PLEC: variants seen among roughly 807,000 people sequenced by gnomAD.
PLEC encodes the protein plectin.
In PLEC, 216 loss-of-function variants were observed where a neutral mutation model predicts 392.8. The ratio of observed to expected loss-of-function variants is 0.55; its 90% confidence interval spans 0.49 to 0.62. PLEC has a LOEUF of 0.62. Among genes scored for constraint, PLEC ranks in the 20% least tolerant of loss-of-function variants. The pLI is 0.00. For synonymous variants in PLEC, 3,621 were observed against 2,980.6 expected (o/e 1.21, Z -7.00); for missense variants, 6,863 against 6,563.4 (o/e 1.05, Z -1.58).
At position 143,934,415 on chromosome 8, in the gene PLEC, G is replaced by A. The variant is rs1828376566; in HGVS notation, c.1072C>T (p.Pro358Ser). 2 of 1,611,616 alleles carry A rather than the reference G, an allele frequency of 1.2e-6. No homozygotes were observed. The highest frequency in any genetic ancestry group is 1.7e-6 in the Non-Finnish European group (2 of 1,179,532). ...ACATCCAGCGGGTGGTAGCCAGGGG[G>A]CACCTTGAGCTGGCCTGCTTGCACC... ...GAVQAGQLKV[P>S]PGYHPLDVEK... Residue 358 changes from proline to serine, a missense_variant, in exon 11 of 32, where the codon CCC becomes TCC. Pro to Ser is a moderately conservative substitution (Grantham distance 74). Coordinates refer to ENST00000345136, the MANE Select transcript of PLEC (RefSeq NM_201384.3).
Position 143,935,909 on chromosome 8 carries a change from C to G in PLEC, c.541G>C (p.Asp181His). Residue 181 changes from aspartate to histidine, a missense_variant, in exon 6 of 32, where the codon GAC becomes CAC. By Grantham distance (81) the Asp-to-His change is moderately conservative. Transcript: ENST00000345136. ...TCTCTCCAGCTGGAGGTGAAGTTGT[C>G]GCATCGCAGGCCCTGGTACCCCTCC... ...MVEGYQGLRC[D>H]NFTSSWRDGR... 1 of 1,612,968 alleles carries G rather than the reference C, an allele frequency of 6.2e-7. No homozygotes were observed. Among genetic ancestry groups the G allele is most frequent in the Non-Finnish European group, 8.5e-7 (1 of 1,179,986 alleles).
At chr8:143,928,155 A>G (rs1347460050) in intron 25 of PLEC, among the ~76,000 whole-genome samples, 163 bp from the exon 26 acceptor site, 4 of 152,258 alleles carry the variant, frequency 2.6e-5, no homozygotes, top group East Asian at 3.8e-4. Flanking sequence ...GGAGAAGAAC[A>G]GCCTTGGGGA....
intron 25 of PLEC, among the ~76,000 whole-genome samples, chr8:143,928,242 G>A (rs566006727): frequency 1.3e-5 from 2 of 152,356 alleles, no homozygotes; most frequent in East Asian, 3.9e-4. Flanking sequence ...GCCAGGAACG[G>A]CAGACCCCAA....
Position 143,923,175 on chromosome 8 carries a change from G to A in PLEC, c.6754C>T (p.Arg2252Cys), listed in dbSNP as rs782530517. The change falls in exon 31 of 32, where the codon CGC becomes TGC. Residue 2252 changes from arginine to cysteine, a missense_variant. Coordinates refer to ENST00000345136, the MANE Select transcript of PLEC (RefSeq NM_201384.3). ...TCCTTGTCACGCAAGATGAGTGCGC[G>A]GTTCTCAGCCTCGATGCGTGCCTTG... ...KLKARIEAEN[R>C]ALILRDKDNT... is the part of the protein sequence containing the mutation. The A allele has an allele frequency of 2.9e-5, 47 of 1,602,402 alleles. No homozygotes were observed. Among genetic ancestry groups the A allele is most frequent in the African/African-American group, 5.3e-5 (4 of 74,908 alleles).
chr8:143,973,242 T>A lies in PLEC; in HGVS notation c.70+161A>T, dbSNP rs1833522932. On this transcript the variant is annotated intron_variant, in intron 1 of 31. Coordinates refer to the PLEC transcript ENST00000356346. This position sits in a 1 kb window ranked among gnomAD's most constrained non-coding sequence, Gnocchi z 5.6. ...GGGCTCAGCGGAGCGAGTCCTCCCC[T>A]TCCCTAGGCACTGGCAGCCGTTGGG... is the stretch of plus-strand genomic sequence containing the variant. Among the ~76,000 whole-genome samples the A allele has an allele frequency of 7.1e-6, 1 of 140,928 alleles. No individual in the cohort carries two copies. Among genetic ancestry groups the A allele is most frequent in the African/African-American group, 2.6e-5 (1 of 38,602 alleles). The allele number at this position is 140,928 out of a possible 152,430, so 92.5% of individuals were successfully genotyped here. A position where few individuals can be genotyped will look rare whatever the true frequency, so the allele number is the denominator to read the frequency against.
chr8:143,945,086 G>C (rs1257537563), intron 1 of PLEC: 1 of 400,820 alleles, frequency 2.5e-6, no homozygotes, highest in Admixed American at 4.3e-5. Flanking sequence ...GCCAGGGGGT[G>C]CTCTTGGAAA....
upstream of PLEC, chr8:143,943,983 G>C (rs1242836479): frequency 1.3e-6 from 2 of 1,536,824 alleles, no homozygotes; most frequent in African/African-American, 2.7e-5. Context: ...CAGGGCGAGC[G>C]AGGGGGAGCG....
Position 143,937,209 on chromosome 8 carries a change from G to A in PLEC, c.298C>T (p.Leu100=), listed in dbSNP as rs1554724185. The change falls in exon 4 of 32, where the codon CTG becomes TTG. Residue 100 remains leucine, a synonymous_variant. Coordinates refer to ENST00000345136, the MANE Select transcript of PLEC (RefSeq NM_201384.3). ...TCCAGGGCAATCTGGACATTCTGCA[G>A]CTTGTGGAAACGCATCCTCCCCTTC... ...REKGRMRFHK[L]QNVQIALDYL... 4 of 1,612,796 alleles carry A rather than the reference G, an allele frequency of 2.5e-6. No individual in the cohort carries two copies. The highest frequency in any genetic ancestry group is 3.3e-5 in the Admixed American group (2 of 60,024).
At position 143,939,516 on chromosome 8, in the gene PLEC, G is replaced by A; in HGVS notation, c.-55C>T. ...CTCGGCCTCAGGCACGGTGCTCTGGGCAGCCCCGTGTGGCACACAGGCAGC... is the reference window on the plus strand; with the variant it reads ...CTCGGCCTCAGGCACGGTGCTCTGGACAGCCCCGTGTGGCACACAGGCAGC... On this transcript the variant is annotated 5_prime_UTR_variant, in exon 1 of 32. Transcript: ENST00000345136. The A allele has an allele frequency of 6.4e-7, 1 of 1,568,086 alleles. No individual in the cohort carries two copies.
chr8:143,930,759 C>A (rs555218699), intron 19 of PLEC, among the ~76,000 whole-genome samples: 76 of 152,258 alleles, frequency 5.0e-4, no homozygotes, highest in African/African-American at 1.7e-3. Flanking sequence ...CCTCCTCTCA[C>A]CCCAGCTCAC....
Position 143,934,305 on chromosome 8 carries a change from G to A in PLEC, c.1169+13C>T. On this transcript the variant is annotated intron_variant, in intron 11 of 31. Coordinates refer to ENST00000345136, the MANE Select transcript of PLEC (RefSeq NM_201384.3). ...CTCGGGTGGTTCCCCTGCCACCACA[G>A]GGCCCCACCCACCTCTCAAACTCGC... The A allele has an allele frequency of 6.2e-7, 1 of 1,611,286 alleles. No homozygotes were observed. Among genetic ancestry groups the A allele is most frequent in the Non-Finnish European group, 8.5e-7 (1 of 1,179,864 alleles).
At chr8:143,975,513 C>A, upstream of PLEC, 1 of 710,564 alleles carries the variant, frequency 1.4e-6, no homozygotes, top group Non-Finnish European at 2.5e-6. The surrounding 1 kb of genome is among the most constrained non-coding windows in gnomAD (Gnocchi z 9.9). Flanking sequence ...CACCCACACC[C>A]CTCCTGCACT....
intron 30 of PLEC, among the ~76,000 whole-genome samples, chr8:143,926,217 C>T (rs1246517994): frequency 6.6e-6 from 1 of 152,230 alleles, no homozygotes; most frequent in Non-Finnish European, 1.5e-5. Context: ...ACAGCCCTGC[C>T]TGAGCTCTGC....
In PLEC at chr8:143,920,951, T is replaced by C. The variant is rs782462913; in HGVS notation, c.8870A>G (p.Lys2957Arg). Residue 2957 changes from lysine to arginine, a missense_variant, in exon 32 of 32, where the codon AAG becomes AGG. Coordinates refer to ENST00000345136, the MANE Select transcript of PLEC (RefSeq NM_201384.3). ...CTCCTCCACCACCGTGATGATGATC[T>C]TGATGATCTTCTCCACTGTGATCCG... is the stretch of plus-strand genomic sequence containing the variant. ...TGRITVEKII[K>R]IIITVVEEQE... The C allele has an allele frequency of 6.2e-7, 1 of 1,613,064 alleles. No individual in the cohort carries two copies. Among genetic ancestry groups the C allele is most frequent in the South Asian group, 1.1e-5 (1 of 91,080 alleles).
Position 143,930,387 on chromosome 8 carries a change from C to G in PLEC, c.2454G>C (p.Val818=). The change falls in exon 20 of 32, where the codon GTG becomes GTC. Residue 818 remains valine, a synonymous_variant. Transcript: ENST00000345136. ...PLLAVCDYKQ[V]EVTVHKGDEC... ...TGGACCCCCGGCCTGCGCTCACCTC[C>G]ACCTGCTTATAGTCGCACACGGCCA... is the stretch of plus-strand genomic sequence containing the variant. The G allele has an allele frequency of 6.4e-7, 1 of 1,572,334 alleles. No homozygotes were observed. Among genetic ancestry groups the G allele is most frequent in the Non-Finnish European group, 8.6e-7 (1 of 1,162,818 alleles).
chr8:143,959,505 C>T (rs534412264), intron 1 of PLEC, among the ~76,000 whole-genome samples: 4 of 152,364 alleles, frequency 2.6e-5, no homozygotes, highest in South Asian at 4.1e-4. Flanking sequence ...TAACCTGACG[C>T]GGCCGCAGTT....
At position 143,969,994 on chromosome 8, in the gene PLEC, G is replaced by T. The variant is rs1232822938; in HGVS notation, c.70+3409C>A. On this transcript the variant is annotated intron_variant, in intron 1 of 31. Coordinates refer to the PLEC transcript ENST00000356346. This position sits in a 1 kb window ranked among gnomAD's most constrained non-coding sequence, Gnocchi z 5.1. The stretch of plus-strand genomic sequence containing the variant: ...CCACAGGGCGTGTGCCCAGCCTGTG[G>T]CCTGCACTCTCTTCAGGACCCCTTG... Among the ~76,000 whole-genome samples the T allele has an allele frequency of 2.0e-5, 3 of 152,068 alleles. No homozygotes were observed. The highest frequency in any genetic ancestry group is 7.2e-5 in the African/African-American group (3 of 41,402).
At chr8:143,942,658 T>G, upstream of PLEC, 1 of 1,093,226 alleles carries the variant, frequency 9.1e-7, no homozygotes, top group East Asian at 3.0e-5. Flanking sequence ...ATCCGCCCAC[T>G]GCGGGAGCGA....
rs950087465 is a variant in PLEC at position 143,937,254 on chromosome 8, C to T, written c.265-12G>A. ...CCCTTCTCCCGGGGCTGTGGGGAGG[C>T]ACAGTCAGCACCCACAGTGCAGCTG... On this transcript the variant is annotated splice_polypyrimidine_tract_variant and intron_variant, in intron 3 of 31. Transcript: ENST00000345136. 8 of 1,603,886 alleles carry T rather than the reference C, an allele frequency of 5.0e-6. No individual in the cohort carries two copies. The highest frequency in any genetic ancestry group is 1.7e-5 in the Admixed American group (1 of 59,988).
Sources: gnomAD v4.1 joint callset for allele counts (sites outside exome capture counted in the v4.1 genomes callset) on GRCh38, gnomAD v4.1.1 for gene constraint, Gnocchi (gnomAD v3.1) non-coding constraint, MANE v1.5 for transcripts, NCBI Gene and HGNC (gene_info 2026-07-23, HGNC 2026-07-21) for gene names.